LEPROTL1: variants seen among roughly 807,000 people sequenced by gnomAD.
LEPROTL1 encodes the protein leptin receptor overlapping transcript-like 1.
Under a neutral mutation model 15.4 loss-of-function variants are expected in LEPROTL1, and 6 were observed. The ratio of observed to expected loss-of-function variants is 0.39; its 90% CI spans 0.21 to 0.77. LEPROTL1 has a LOEUF of 0.77. LEPROTL1 is among the 30% of genes least tolerant of loss of function. The pLI, the probability that LEPROTL1 is intolerant of heterozygous loss-of-function variation, is 0.41. For missense variants in LEPROTL1, 128 were observed against 158.1 expected, an observed-to-expected ratio of 0.81 and a Z score of 1.02; for synonymous variants, 56 against 52.6, an observed-to-expected ratio of 1.06 and a Z score of -0.28.
Position 30,107,227 on chromosome 8 carries a change from T to G in LEPROTL1, c.*1365T>G. 1.0e-6 allele frequency: 1 copy of G among 985,454 alleles called. No individual in the cohort carries two copies. The highest frequency in any genetic ancestry group is 1.2e-6 in the Non-Finnish European group (1 of 829,934). The allele number at this position is 985,454 out of a possible 1,614,324, so 61.0% of individuals were successfully genotyped here. On this transcript the variant is annotated 3_prime_UTR_variant, in exon 4 of 4. Transcript: ENST00000321250. ...TAGCCAAGTCCAGCTATATAGCAGC[T>G]TCAGAAACATACCTGACCAAAAAAT...
Position 30,106,071 on chromosome 8 carries a change from C to T in LEPROTL1, c.*209C>T. 1 of 1,099,766 alleles carries T rather than the reference C, an allele frequency of 9.1e-7. No homozygotes were observed. Among genetic ancestry groups the T allele is most frequent in the African/African-American group, 1.6e-5 (1 of 60,630 alleles). The allele number at this position is 1,099,766 out of a possible 1,614,324, so 68.1% of individuals were successfully genotyped here. ...GATTTTCTCTTTTGGAAAAGCTTGA[C>T]TGATTTCACACTTATCTATAGTATG... On this transcript the variant is annotated 3_prime_UTR_variant, in exon 4 of 4. Transcript: ENST00000321250.
intron 4 of LEPROTL1, among the ~76,000 whole-genome samples, chr8:30,135,678 G>A (rs375352734): frequency 6.6e-6 from 1 of 152,110 alleles, no homozygotes; most frequent in East Asian, 1.9e-4. Context: ...GGAGGCTGAG[G>A]TGAGGTGGGC....
intron 4 of LEPROTL1, chr8:30,132,651 G>A (rs1803049988): frequency 2.6e-6 from 4 of 1,551,672 alleles, no homozygotes; most frequent in East Asian, 2.4e-5. Flanking sequence ...CCCAGAAAGA[G>A]TGTCTGGGAT....
rs140859153 is a variant in LEPROTL1 at position 30,132,091 on chromosome 8, T to C, written c.280-284T>C. On this transcript the variant is annotated intron_variant, in intron 3 of 4. Coordinates refer to the LEPROTL1 transcript ENST00000442880. ...CAGCATGATGTAGGCAATGATCAAC[T>C]GGGTGTGGGCCCAGGTGAGGGTTCT... The C allele has an allele frequency of 3.1e-4, 476 of 1,551,564 alleles. No homozygotes were observed. Among genetic ancestry groups the C allele is most frequent in the Non-Finnish European group, 4.0e-4 (456 of 1,147,002 alleles).
In LEPROTL1 at chr8:30,137,025, C is replaced by A. The variant is rs112373696; in HGVS notation, c.395-247C>A. On this transcript the variant is annotated intron_variant, in intron 4 of 4. Transcript: ENST00000442880. ...TACAGGAAAATTAAAAAAAAAAATT[C>A]TAGGTATAGTCAGGAGGATGGCAAA... 2.1e-3 allele frequency among the ~76,000 whole-genome samples: 312 copies of A among 152,020 alleles called. 5 individuals carry two copies. The highest frequency in any genetic ancestry group is 6.2e-3 in the African/African-American group (259 of 41,456).
At chr8:30,132,398 C>G in exon 4 of LEPROTL1, 1 of 1,551,774 alleles carries the variant, frequency 6.4e-7, no homozygotes, top group Non-Finnish European at 8.7e-7. Flanking sequence ...GCATCGGGGA[C>G]ATATCCCTCC....
chr8:30,133,801 A>AAG (rs1033434937), intron 4 of LEPROTL1, among the ~76,000 whole-genome samples: 3 of 151,540 alleles, frequency 2.0e-5, no homozygotes, highest in Non-Finnish European at 4.4e-5. Flanking sequence ...AAAAAAAAAA[A>AAG]AAAAGAAAGA....
Position 30,107,659 on chromosome 8 carries a change from T to TAA in LEPROTL1, c.*1798_*1799dup. The stretch of plus-strand genomic sequence containing the variant: ...AGGCTGAAAGTGGCTTGTGGTATTA[T>TAA]AATGTTCAGATTTCAAGAGGAAGGT... On this transcript the variant is annotated 3_prime_UTR_variant, in exon 4 of 4. Transcript: ENST00000321250. 1 of 985,646 alleles carries TAA rather than the reference T, an allele frequency of 1.0e-6. No homozygotes were observed. Among genetic ancestry groups the TAA allele is most frequent in the Non-Finnish European group, 1.2e-6 (1 of 829,922 alleles). The allele number at this position is 985,646 out of a possible 1,614,324, so 61.1% of individuals were successfully genotyped here. A position where few individuals can be genotyped will look rare whatever the true frequency, so the allele number is the denominator to read the frequency against.
At chr8:30,124,447 T>G (rs913739141) in intron 3 of LEPROTL1, among the ~76,000 whole-genome samples, 23 of 152,186 alleles carry the variant, frequency 1.5e-4, no homozygotes, top group Middle Eastern at 3.2e-3. Context: ...TCTCTCTAAC[T>G]CAGATTATTT....
At chr8:30,128,543 G>A (rs189084517) in intron 3 of LEPROTL1, among the ~76,000 whole-genome samples, 364 of 152,118 alleles carry the variant, frequency 2.4e-3, no homozygotes, top group Non-Finnish European at 4.2e-3. Context: ...TTGAGCTCAC[G>A]AATTCGAGAC....
intron 1 of LEPROTL1, chr8:30,095,997 G>T: frequency 1.6e-6 from 1 of 636,516 alleles, no homozygotes; most frequent in Non-Finnish European, 2.9e-6. Context: ...GCGCTGCACG[G>T]GTCTGCCCGA....
At chr8:30,102,100 T>A in intron 2 of LEPROTL1, 127 bp downstream of exon 2, 1 of 564,050 alleles carries the variant, frequency 1.8e-6, no homozygotes, top group South Asian at 2.3e-5. Context: ...AACACATACC[T>A]TTGTAAAAAT....
At chr8:30,119,707 C>T (rs913762438) in intron 3 of LEPROTL1, among the ~76,000 whole-genome samples, 1 of 152,140 alleles carries the variant, frequency 6.6e-6, no homozygotes, top group African/African-American at 2.4e-5. Flanking sequence ...CAGCCCATAA[C>T]ATCTATATAC....
intron 4 of LEPROTL1, chr8:30,132,946 ATT>A (rs1803059164): frequency 1.4e-6 from 2 of 1,468,324 alleles, no homozygotes; most frequent in Non-Finnish European, 1.8e-6. Context: ...AACACTCTGT[ATT>A]TATTCTCTCT....
At position 30,107,818 on chromosome 8, in the gene LEPROTL1, C is replaced by T. The variant is rs1178991539; in HGVS notation, c.*1956C>T. 1.0e-6 allele frequency: 1 copy of T among 985,270 alleles called. No individual in the cohort carries two copies. Among genetic ancestry groups the T allele is most frequent in the Non-Finnish European group, 1.2e-6 (1 of 829,936 alleles). 61.0% of individuals were successfully genotyped at this position (985,270 alleles called of 1,614,324 possible). On this transcript the variant is annotated 3_prime_UTR_variant, in exon 4 of 4. Transcript: ENST00000321250. ...TTCTGTTCTGGATGTCAGTGCAGTG[C>T]ACTGCTACTGTTTTATCCACTTGGC...
At chr8:30,123,805 GA>G (rs1802868697) in intron 3 of LEPROTL1, among the ~76,000 whole-genome samples, 1 of 152,178 alleles carries the variant, frequency 6.6e-6, no homozygotes, top group South Asian at 2.1e-4. Context: ...GAGGAGATGG[GA>G]ATGATGGCAT....
chr8:30,107,604 A>G lies in LEPROTL1; in HGVS notation c.*1742A>G, dbSNP rs1014338506. ...GAGATGACGGGAAGCAGGACGAAAT[A>G]TCGGCGTGTGGCTGGAGCCTTCCCA... On this transcript the variant is annotated 3_prime_UTR_variant, in exon 4 of 4. Coordinates refer to ENST00000321250, the MANE Select transcript of LEPROTL1 (RefSeq NM_015344.3). 2.0e-6 allele frequency: 2 copies of G among 985,878 alleles called. No individual in the cohort carries two copies. The highest frequency in any genetic ancestry group is 1.7e-5 in the African/African-American group (1 of 57,378). 61.1% of individuals were successfully genotyped at this position (985,878 alleles called of 1,614,324 possible).
chr8:30,121,934 G>A (rs543998854), intron 3 of LEPROTL1, among the ~76,000 whole-genome samples: 2 of 152,178 alleles, frequency 1.3e-5, no homozygotes, highest in African/African-American at 4.8e-5. Context: ...GGGAGGCCAA[G>A]GTGGGCAAAT....
chr8:30,102,760 A>G (rs1585463210), intron 2 of LEPROTL1, among the ~76,000 whole-genome samples: 1 of 152,168 alleles, frequency 6.6e-6, no homozygotes, highest in Non-Finnish European at 1.5e-5. Flanking sequence ...TAGAAAAATA[A>G]ATACAAAAAG....
Sources: gnomAD v4.1 joint callset for allele counts (sites outside exome capture counted in the v4.1 genomes callset) on GRCh38, gnomAD v4.1.1 for gene constraint, MANE v1.5 for transcripts, NCBI Gene and HGNC (gene_info 2026-07-23, HGNC 2026-07-21) for gene names.